BBOF1: variants seen among roughly 807,000 people sequenced by gnomAD.
BBOF1 encodes the protein basal body orientation factor 1.
BBOF1 carries 62 observed loss-of-function variants against 68.0 expected under a neutral mutation model. The ratio of observed to expected loss-of-function variants is 0.91; its 90% confidence interval spans 0.74 to 1.13. The LOEUF (loss-of-function observed/expected upper bound fraction) is 1.13, where lower values mean the gene tolerates loss of function less well. Ranked by LOEUF, BBOF1 falls within the 50% of genes most tolerant of loss-of-function variation. The probability of loss-of-function intolerance (pLI) is 0.00; values close to 1 mark genes in which losing one functional copy is unlikely to be tolerated. For missense variants in BBOF1, 534 were observed against 600.1 expected (o/e 0.89, Z 1.15); for synonymous variants, 208 against 198.8 (o/e 1.05, Z -0.39).
chr14:74,046,097 T>A lies in BBOF1; in HGVS notation c.614T>A (p.Met205Lys). ...LEQEAEKKII[M>K]LAERAHHEAI... Reference sequence around the variant, plus strand: ...CAAGAGGCTGAAAAGAAGATAATAATGCTAGCAGAGAGAGCCCACCATGAG... The same window carrying A: ...CAAGAGGCTGAAAAGAAGATAATAAAGCTAGCAGAGAGAGCCCACCATGAG... The change falls in exon 6 of 12, where the codon ATG becomes AAG. Residue 205 changes from methionine (M) to lysine (K), a missense_variant. By Grantham distance (95) the Met-to-Lys change is moderately conservative. Coordinates refer to ENST00000394009, the MANE Select transcript of BBOF1 (RefSeq NM_025057.3). 6.2e-7 allele frequency: 1 copy of A among 1,609,112 alleles called. No homozygotes were observed. Among genetic ancestry groups the A allele is most frequent in the South Asian group, 1.1e-5 (1 of 89,754 alleles).
chr14:74,071,656 A>T (rs1566833285), intron 9 of BBOF1: 1 of 1,532,068 alleles, frequency 6.5e-7, no homozygotes, highest in East Asian at 2.4e-5. Flanking sequence ...GCAAAATGAG[A>T]TTCTCTGAAT....
intron 4 of BBOF1, among the ~76,000 whole-genome samples, chr14:74,035,612 T>TA (rs1240983157): frequency 4.7e-5 from 6 of 128,054 alleles, no homozygotes; most frequent in Non-Finnish European, 6.7e-5. Context: ...TTTTTTTTTT[T>TA]AGTAGAGTCA....
chr14:74,037,944 A>C (rs2059746559), intron 4 of BBOF1, among the ~76,000 whole-genome samples: 1 of 151,688 alleles, frequency 6.6e-6, no homozygotes, highest in African/African-American at 2.4e-5. Flanking sequence ...AACAAGAGCG[A>C]AACTCTGTTT....
chr14:74,056,966 A>T lies in BBOF1; in HGVS notation c.1449A>T (p.Glu483Asp), dbSNP rs1482177338. 6.2e-7 allele frequency: 1 copy of T among 1,613,572 alleles called. No homozygotes were observed. Among genetic ancestry groups the T allele is most frequent in the African/African-American group, 1.3e-5 (1 of 74,888 alleles). Reference sequence around the variant, plus strand: ...ACTATGTTGTTTCTGACAGTGGGGAAACAAAGGAATTTGGGTAAGAGCTCT... The same window carrying T: ...ACTATGTTGTTTCTGACAGTGGGGATACAAAGGAATTTGGGTAAGAGCTCT... ...VPDYVVSDSG[E>D]TKEFGDESKL... Residue 483 changes from glutamate to aspartate, a missense_variant, in exon 10 of 12, where the codon GAA (glutamate) becomes GAT (aspartate). Coordinates refer to ENST00000394009, the MANE Select transcript of BBOF1 (RefSeq NM_025057.3).
intron 11 of BBOF1, among the ~76,000 whole-genome samples, chr14:74,062,505 A>G (rs1457995924): frequency 6.6e-6 from 1 of 151,942 alleles, no homozygotes; most frequent in East Asian, 1.9e-4. Flanking sequence ...GGAGGCATAG[A>G]TACGAGAATT....
chr14:74,033,466 G>A (rs1047272029), intron 3 of BBOF1, among the ~76,000 whole-genome samples: 3 of 152,138 alleles, frequency 2.0e-5, no homozygotes, highest in African/African-American at 7.2e-5. Flanking sequence ...CTACGCGGGA[G>A]GCTGAGGCAG....
chr14:74,050,849 C>G (rs1024075519), intron 8 of BBOF1, among the ~76,000 whole-genome samples: 1 of 152,124 alleles, frequency 6.6e-6, no homozygotes, highest in Non-Finnish European at 1.5e-5. Flanking sequence ...TGGCTTACAC[C>G]TGTAATCCCA....
At position 74,049,743 on chromosome 14, in the gene BBOF1, T is replaced by G; in HGVS notation, c.834T>G (p.Leu278=). The G allele has an allele frequency of 1.2e-6, 2 of 1,611,160 alleles. No individual in the cohort carries two copies. Among genetic ancestry groups the G allele is most frequent in the Non-Finnish European group, 1.7e-6 (2 of 1,179,028 alleles). ...DLLVKEKIMQ[L]VQQRSQIQTL... ...TGGTTAAGGAAAAGATTATGCAACT[T>G]GTCCAGCAGAGATCACAAATCCAAA... Residue 278 remains leucine (L), a synonymous_variant, in exon 8 of 12, where the codon CTT becomes CTG. Transcript: ENST00000394009.
At chr14:74,079,105 G>C (rs1024864020) in intron 10 of BBOF1, among the ~76,000 whole-genome samples, 1 of 151,658 alleles carries the variant, frequency 6.6e-6, no homozygotes, top group African/African-American at 2.4e-5. Context: ...TTAGTCCTTG[G>C]CCAGTATTTT....
chr14:74,081,514 C>T (rs2060667696), intron 12 of BBOF1, among the ~76,000 whole-genome samples: 1 of 152,146 alleles, frequency 6.6e-6, no homozygotes, highest in Non-Finnish European at 1.5e-5. Flanking sequence ...TTGACAGGTT[C>T]GATCTTCTAT....
chr14:74,078,417 G>A (rs1225215093), intron 10 of BBOF1: 6 of 338,588 alleles, frequency 1.8e-5, no homozygotes, highest in Non-Finnish European at 2.3e-5. Flanking sequence ...GCAGTGGCAT[G>A]ATCATAGCTC....
chr14:74,075,536 G>A (rs1207209502), intron 9 of BBOF1, among the ~76,000 whole-genome samples: 1 of 151,888 alleles, frequency 6.6e-6, no homozygotes, highest in South Asian at 2.1e-4. Context: ...ACATGCCTGT[G>A]GTCCCAGCTA....
rs751350076 is a variant in BBOF1 at position 74,049,883 on chromosome 14, A to G, written c.974A>G (p.Gln325Arg). 3.1e-6 allele frequency: 5 copies of G among 1,614,194 alleles called. No homozygotes were observed. In the South Asian group the frequency reaches 5.5e-5, roughly 18 times the overall value. ...GCAATGATAGAGAACCAAGCAGGTC[A>G]GGTAGAAATTGACAAGCTGCAGCAC... ...QHAMIENQAG[Q>R]VEIDKLQHLL... is the part of the protein sequence containing the mutation. The change falls in exon 8 of 12, where the codon CAG becomes CGG. Residue 325 changes from glutamine (Q) to arginine (R), a missense_variant. By Grantham distance (43) the Gln-to-Arg change is conservative. Transcript: ENST00000394009.
At chr14:74,060,431 G>T (rs1445800496) in intron 11 of BBOF1, 15 of 566,846 alleles carry the variant, frequency 2.6e-5, no homozygotes, top group Non-Finnish European at 4.4e-5. Context: ...CCTCAAAATA[G>T]AAGTATGAAG....
chr14:74,054,747 G>A (rs4903174), intron 8 of BBOF1: 16,819 of 139,328 alleles, frequency 0.12, 1,241 homozygotes, highest in Admixed American at 0.21. Context: ...GAGTGATCTC[G>A]GCTCACTGCA....
At chr14:74,030,748 T>C (rs943137859) in intron 3 of BBOF1, among the ~76,000 whole-genome samples, 23 of 151,996 alleles carry the variant, frequency 1.5e-4, no homozygotes, top group Non-Finnish European at 3.2e-4. Context: ...CCGCCCGCCT[T>C]GGCCTCCCAA....
At chr14:74,067,302 G>T (rs994282218), downstream of BBOF1, 5 of 1,521,930 alleles carry the variant, frequency 3.3e-6, no homozygotes, top group Non-Finnish European at 4.5e-6. Flanking sequence ...GTTCCCACTG[G>T]CCAAGGCCAG....
In BBOF1 at chr14:74,028,467, T is replaced by TACACAC. The variant is rs34677110; in HGVS notation, c.286-677_286-672dup. On this transcript the variant is annotated intron_variant, in intron 2 of 11. Coordinates refer to ENST00000394009, the MANE Select transcript of BBOF1 (RefSeq NM_025057.3). ...ACATTACCCTTTACCACTAAAGAAATACACACACACACACACACACACACA... is the reference window on the plus strand; with the variant it reads ...ACATTACCCTTTACCACTAAAGAAATACACACACACACACACACACACACACACACA... Among the ~76,000 whole-genome samples the TACACAC allele has an allele frequency of 6.7e-3, 922 of 138,258 alleles. 12 individuals carry two copies. Among genetic ancestry groups the TACACAC allele is most frequent in the African/African-American group, 0.017 (626 of 37,106 alleles). The allele number at this position is 138,258 out of a possible 152,430, so 90.7% of individuals were successfully genotyped here. A position where few individuals can be genotyped will look rare whatever the true frequency, so the allele number is the denominator to read the frequency against.
chr14:74,073,052 G>C (rs35312317), intron 9 of BBOF1, among the ~76,000 whole-genome samples: 16,948 of 152,116 alleles, frequency 0.11, 1,241 homozygotes, highest in Admixed American at 0.19. Flanking sequence ...CACCCACCTC[G>C]GCCTCCCAAA....
Sources: allele counts gnomAD v4.1 joint callset (sites outside exome capture counted in the v4.1 genomes callset), GRCh38; gene constraint gnomAD v4.1.1; transcripts MANE v1.5; gene names NCBI Gene and HGNC (gene_info 2026-07-23, HGNC 2026-07-21).